Variants in HIRA observed in about 807,000 individuals in gnomAD.
The protein encoded by HIRA is histone cell cycle regulator, also known as protein HIRA.
HIRA carries 13 observed loss-of-function variants against 126.6 expected under a neutral mutation model. That is an observed-to-expected ratio of 0.10 (90% CI 0.07 to 0.16). The LOEUF is 0.16. Among genes scored for constraint, HIRA ranks in the 10% least tolerant of loss-of-function variants. HIRA has a pLI of 1.00. For missense variants in HIRA, 834 were observed against 1,314.4 expected (o/e 0.63, Z 5.65); for synonymous variants, 511 against 520.0 (o/e 0.98, Z 0.24).
rs1350598358 is a variant in HIRA at position 19,351,172 on chromosome 22, G to GCCCA, written c.2937+182_2937+185dup. 43 of 985,226 alleles carry GCCCA rather than the reference G, an allele frequency of 4.4e-5. No homozygotes were observed. Among genetic ancestry groups the GCCCA allele is most frequent in the Non-Finnish European group, 4.9e-5 (41 of 829,924 alleles). 61.0% of individuals were successfully genotyped at this position (985,226 alleles called of 1,614,324 possible). A position where few individuals can be genotyped will look rare whatever the true frequency, so the allele number is the denominator to read the frequency against. ...CACTCCGTGGCTCCTGATGTCCAGG[G>GCCCA]CCCAGCTCCTGCCAGGTTGTGGAGG... On this transcript the variant is annotated intron_variant, in intron 24 of 24. Coordinates refer to ENST00000263208, the MANE Select transcript of HIRA (RefSeq NM_003325.4). The surrounding 1 kb of genome is among the most constrained non-coding windows in gnomAD (Gnocchi z 4.8).
intron 1 of HIRA, among the ~76,000 whole-genome samples, 196 bp downstream of exon 1, chr22:19,431,244 T>C (rs1045691440): frequency 2.6e-5 from 4 of 152,098 alleles, no homozygotes; most frequent in African/African-American, 9.7e-5. Flanking sequence ...CTCGCTGCGG[T>C]CAACCCGGAG....
chr22:19,363,944 AAT>A (rs1227512448), intron 15 of HIRA, among the ~76,000 whole-genome samples: 1 of 152,322 alleles, frequency 6.6e-6, no homozygotes, highest in Admixed American at 6.5e-5. Flanking sequence ...TATAATGATG[AAT>A]ATATGTCATT....
At chr22:19,361,051 G>A (rs1256626041) in intron 17 of HIRA, among the ~76,000 whole-genome samples, 186 bp downstream of exon 17, 2 of 152,246 alleles carry the variant, frequency 1.3e-5, no homozygotes, top group East Asian at 3.9e-4. Flanking sequence ...GTGAGTGAGA[G>A]TGGAGGCTGG....
intron 1 of HIRA, among the ~76,000 whole-genome samples, chr22:19,426,730 C>G (rs1385413020): frequency 6.6e-6 from 1 of 152,200 alleles, no homozygotes; most frequent in Non-Finnish European, 1.5e-5. Flanking sequence ...AGTGAAAAAT[C>G]CACAGCAAAA....
chr22:19,353,019 A>G (rs2088774204), intron 23 of HIRA, among the ~76,000 whole-genome samples: 1 of 152,242 alleles, frequency 6.6e-6, no homozygotes, highest in Non-Finnish European at 1.5e-5. Flanking sequence ...AGATGCCCTC[A>G]CTGATTAGCA....
chr22:19,426,410 T>C (rs1343762158), intron 1 of HIRA, among the ~76,000 whole-genome samples: 1 of 152,230 alleles, frequency 6.6e-6, no homozygotes, highest in Non-Finnish European at 1.5e-5. Flanking sequence ...TTTCACCCTC[T>C]GGGCCTTTTC....
rs560417252 is a variant in HIRA at position 19,386,413 on chromosome 22, C to A, written c.1114-677G>T. On this transcript the variant is annotated intron_variant, in intron 11 of 24. Coordinates refer to ENST00000263208, the MANE Select transcript of HIRA (RefSeq NM_003325.4). Reference sequence around the variant, plus strand: ...TACATGAAAGTGCATGAGGAACACACTTCCATGGGATGTGCAAATGTCCAA... The same window carrying A: ...TACATGAAAGTGCATGAGGAACACAATTCCATGGGATGTGCAAATGTCCAA... Among the ~76,000 whole-genome samples, 17 of 152,360 alleles carry A rather than the reference C, an allele frequency of 1.1e-4. 1 individual carries two copies. The highest frequency in any genetic ancestry group is 3.8e-4 in the African/African-American group (16 of 41,594).
Position 19,378,033 on chromosome 22 carries a change from G to C in HIRA, c.1449C>G (p.Pro483=), listed in dbSNP as rs767009060. ...TGGTGCCCGCCAGGGAGCCCGAGAG[G>C]GGGATGCTGTTAAAGAATGCCGTGG... ...DFSTAFFNSI[P]LSGSLAGTML... Residue 483 remains proline (P), a synonymous_variant, in exon 14 of 25, where the codon CCC becomes CCG. Coordinates refer to ENST00000263208, the MANE Select transcript of HIRA (RefSeq NM_003325.4). The C allele has an allele frequency of 1.3e-6, 2 of 1,597,838 alleles. No individual in the cohort carries two copies. The highest frequency in any genetic ancestry group is 2.7e-5 in the African/African-American group (2 of 74,382).
chr22:19,376,397 C>T (rs2089019293), intron 14 of HIRA, among the ~76,000 whole-genome samples: 1 of 152,180 alleles, frequency 6.6e-6, no homozygotes, highest in Non-Finnish European at 1.5e-5. Context: ...ATGTCCAAGC[C>T]CACACCACAC....
chr22:19,383,452 G>A (rs1055403545), intron 13 of HIRA, among the ~76,000 whole-genome samples, 168 bp downstream of exon 13: 6 of 152,214 alleles, frequency 3.9e-5, no homozygotes, highest in Non-Finnish European at 8.8e-5. Flanking sequence ...TCCAGGAGGA[G>A]TATGGGCTTT....
In HIRA at chr22:19,353,471, C is replaced by A. The variant is rs782573654; in HGVS notation, c.2733G>T (p.Gln911His). Reference protein sequence around the residue: ...ARLFSVPHVVQQETTLAYLEN... With the variant: ...ARLFSVPHVVHQETTLAYLEN... Reference sequence around the variant, plus strand: ...CTAGGTAGGCCAGGGTGGTCTCTTGCTGCACCACATGAGGCACGGAGAAGA... The same window carrying A: ...CTAGGTAGGCCAGGGTGGTCTCTTGATGCACCACATGAGGCACGGAGAAGA... Residue 911 changes from glutamine (Q) to histidine (H), a missense_variant, in exon 23 of 25, where the codon CAG becomes CAT. Physicochemically the swap from Gln to His is conservative, Grantham distance 24. This residue lies in a region of HIRA where 468 missense variants were observed against 574.2 expected (regional missense o/e 0.82). Transcript: ENST00000263208. 1 of 1,612,714 alleles carries A rather than the reference C, an allele frequency of 6.2e-7. No individual in the cohort carries two copies. Among genetic ancestry groups the A allele is most frequent in the East Asian group, 2.2e-5 (1 of 44,886 alleles).
chr22:19,428,221 CTTA>C (rs2146262879), intron 1 of HIRA, among the ~76,000 whole-genome samples: 1 of 152,312 alleles, frequency 6.6e-6, no homozygotes, highest in South Asian at 2.1e-4. Context: ...TCAAGATTAA[CTTA>C]TTGATAACCT....
At chr22:19,359,875 A>G (rs933582193) in intron 17 of HIRA, among the ~76,000 whole-genome samples, 1 of 152,194 alleles carries the variant, frequency 6.6e-6, no homozygotes, top group African/African-American at 2.4e-5. Flanking sequence ...CTAGCCTCCT[A>G]CTTGAAGAAT....
At chr22:19,414,628 C>G (rs981944370) in intron 1 of HIRA, among the ~76,000 whole-genome samples, 6 of 152,124 alleles carry the variant, frequency 3.9e-5, no homozygotes, top group Admixed American at 3.9e-4. Flanking sequence ...CTGCACTGCC[C>G]AATAGAACTT....
At chr22:19,331,981 G>C (rs946871077) in intron 24 of HIRA, among the ~76,000 whole-genome samples, 1 of 152,186 alleles carries the variant, frequency 6.6e-6, no homozygotes, top group Non-Finnish European at 1.5e-5. Context: ...GCACCTGGGG[G>C]GCAGTGACTG....
chr22:19,424,725 G>A (rs1273733687), intron 1 of HIRA, among the ~76,000 whole-genome samples: 1 of 152,176 alleles, frequency 6.6e-6, no homozygotes, highest in African/African-American at 2.4e-5. Flanking sequence ...ACATCTAGTG[G>A]AATCTTGGTG....
Position 19,337,881 on chromosome 22 carries a change from G to A in HIRA, c.2938-6325C>T, listed in dbSNP as rs565549169. Among the ~76,000 whole-genome samples, 11 of 151,976 alleles carry A rather than the reference G, an allele frequency of 7.2e-5. No homozygotes were observed. The South Asian group carries it at 1.0e-3, about 14-fold the overall frequency. On this transcript the variant is annotated intron_variant, in intron 24 of 24. Transcript: ENST00000263208. Reference sequence around the variant, plus strand: ...ATCTTGGCTCACTGCAATCTCTGCCGCCCTGGTTCACGCAATTCTCCTGCC... The same window carrying A: ...ATCTTGGCTCACTGCAATCTCTGCCACCCTGGTTCACGCAATTCTCCTGCC...
intron 5 of HIRA, among the ~76,000 whole-genome samples, chr22:19,398,371 G>A (rs538749159): frequency 6.6e-6 from 1 of 152,346 alleles, no homozygotes; most frequent in East Asian, 1.9e-4. Flanking sequence ...TACTTCGTGG[G>A]TCTGTGGCCT....
chr22:19,371,982 G>C (rs1378593734), intron 15 of HIRA, among the ~76,000 whole-genome samples: 1 of 152,290 alleles, frequency 6.6e-6, no homozygotes, highest in Middle Eastern at 3.4e-3. Flanking sequence ...TATGTATCTA[G>C]GTGTGGGAAC....
Sources: allele counts gnomAD v4.1 joint callset (sites outside exome capture counted in the v4.1 genomes callset), GRCh38; gene constraint gnomAD v4.1.1; regional missense constraint gnomAD v4.1.1; non-coding constraint Gnocchi (gnomAD v3.1); transcripts MANE v1.5; gene names NCBI Gene and HGNC (gene_info 2026-07-23, HGNC 2026-07-21).